Variants in AVEN observed in about 807,000 individuals in gnomAD.
AVEN encodes the protein cell death regulator Aven.
In AVEN, 41 loss-of-function variants were observed where a neutral mutation model predicts 38.1. The ratio of observed to expected loss-of-function variants is 1.08; its 90% CI spans 0.84 to 1.40. The LOEUF is 1.40. Among genes scored for constraint, AVEN ranks in the 40% most tolerant of loss-of-function variants. The probability of loss-of-function intolerance (pLI) is 0.00; values close to 1 mark genes in which losing one functional copy is unlikely to be tolerated. For missense variants in AVEN, 605 were observed against 438.8 expected, an observed-to-expected ratio of 1.38 and a Z score of -3.38; for synonymous variants, 206 against 171.8, an observed-to-expected ratio of 1.20 and a Z score of -1.56.
At chr15:33,873,595 GTATTA>G (rs1272634120) in intron 3 of AVEN, among the ~76,000 whole-genome samples, 1 of 146,592 alleles carries the variant, frequency 6.8e-6, no homozygotes, top group Non-Finnish European at 1.5e-5. Flanking sequence ...TATATAATAC[GTATTA>G]TATATTATAT....
intron 1 of AVEN, among the ~76,000 whole-genome samples, chr15:34,007,300 TA>T (rs557392998): frequency 5.2e-4 from 79 of 152,214 alleles, no homozygotes; most frequent in African/African-American, 1.9e-3. Context: ...AAAAATGAAA[TA>T]AAAAAATGAA....
intron 2 of AVEN, among the ~76,000 whole-genome samples, chr15:33,912,336 T>A (rs966567184): frequency 7.9e-5 from 12 of 152,216 alleles, no homozygotes; most frequent in African/African-American, 2.9e-4. Flanking sequence ...ATATGGAGTG[T>A]CTGCTTAATA....
At chr15:33,967,292 AG>A (rs749359418) in intron 2 of AVEN, among the ~76,000 whole-genome samples, 8 of 152,120 alleles carry the variant, frequency 5.3e-5, no homozygotes, top group Non-Finnish European at 1.0e-4. Flanking sequence ...ATTCTCACTC[AG>A]AAAAAACCTA....
intron 2 of AVEN, among the ~76,000 whole-genome samples, chr15:33,937,457 T>C (rs564036496): frequency 4.1e-5 from 6 of 148,114 alleles, no homozygotes; most frequent in Non-Finnish European, 6.0e-5. Context: ...GGCATGAACC[T>C]GGGAGGCGGA....
intron 2 of AVEN, among the ~76,000 whole-genome samples, chr15:33,879,179 T>G (rs1296485638): frequency 6.6e-6 from 1 of 151,390 alleles, no homozygotes; most frequent in African/African-American, 2.4e-5. Context: ...TAGACCGGAT[T>G]AAGAAAATGT....
intron 2 of AVEN, among the ~76,000 whole-genome samples, chr15:33,923,006 T>A (rs558969897): frequency 1.3e-5 from 2 of 152,206 alleles, no homozygotes; most frequent in African/African-American, 4.8e-5. Flanking sequence ...ATACACTTAA[T>A]GAATATCAAC....
intron 5 of AVEN, among the ~76,000 whole-genome samples, chr15:34,057,669 C>T (rs189797549): frequency 1.2e-4 from 19 of 152,262 alleles, no homozygotes; most frequent in Middle Eastern, 3.4e-3. Flanking sequence ...TTGTAGCCCA[C>T]ACCTGTAGTC....
At chr15:33,865,248 CAATTCTGGA>C (rs749664060), downstream of AVEN, 239 of 1,523,826 alleles carry the variant, frequency 1.6e-4, no homozygotes, top group Non-Finnish European at 2.1e-4. Flanking sequence ...AGAAGCGCGA[CAATTCTGGA>C]CAGTCAACTT....
chr15:34,030,230 G>C (rs1421006424), intron 1 of AVEN, among the ~76,000 whole-genome samples: 1 of 152,102 alleles, frequency 6.6e-6, no homozygotes, highest in African/African-American at 2.4e-5. Flanking sequence ...TTCCAGCCTG[G>C]GTGACAGAGT....
intron 1 of AVEN, among the ~76,000 whole-genome samples, chr15:34,038,171 A>G (rs1421287092): frequency 6.6e-6 from 1 of 152,206 alleles, no homozygotes; most frequent in Non-Finnish European, 1.5e-5. Context: ...TGATTTCTAC[A>G]CATACAGGCA....
At chr15:33,876,194 G>C (rs1478598931) in intron 2 of AVEN, among the ~76,000 whole-genome samples, 199 bp from the exon 3 acceptor site, 1 of 151,588 alleles carries the variant, frequency 6.6e-6, no homozygotes, top group African/African-American at 2.4e-5. Context: ...CATTTGATAA[G>C]ATTAAATGTA....
chr15:34,056,334 C>CTACT (rs1264460958), intron 5 of AVEN, among the ~76,000 whole-genome samples: 19 of 152,248 alleles, frequency 1.2e-4, no homozygotes, highest in African/African-American at 4.6e-4. Flanking sequence ...ATTAGAACTC[C>CTACT]TACTCCATAC....
At chr15:33,854,828 C>G, downstream of AVEN, 1 of 1,613,948 alleles carries the variant, frequency 6.2e-7, no homozygotes. Flanking sequence ...ATAACTTCTT[C>G]TTTGCTGCTC....
the AVEN span, chr15:33,853,754 A>G: frequency 6.5e-7 from 1 of 1,547,834 alleles, no homozygotes; most frequent in Non-Finnish European, 8.7e-7. Context: ...ATAGGAAAAA[A>G]TCACAACCGT....
intron 1 of AVEN, among the ~76,000 whole-genome samples, chr15:34,009,814 A>C (rs1229723356): frequency 6.6e-6 from 1 of 152,074 alleles, no homozygotes; most frequent in Admixed American, 6.6e-5. Context: ...CATAGAGAGC[A>C]TTGCTACAAA....
intron 2 of AVEN, among the ~76,000 whole-genome samples, chr15:33,952,123 G>C (rs1307665907): frequency 2.0e-5 from 3 of 152,142 alleles, no homozygotes; most frequent in Admixed American, 1.3e-4. Context: ...GTCTGGTCTA[G>C]CTTTAGAAAT....
chr15:34,040,134 A>C, upstream of AVEN, among the ~76,000 whole-genome samples: 1 of 152,170 alleles, frequency 6.6e-6, no homozygotes, highest in South Asian at 2.1e-4. Context: ...ACTCTGCATC[A>C]GGCACAGTGC....
chr15:34,031,445 G>A (rs1898816347), intron 1 of AVEN, among the ~76,000 whole-genome samples: 1 of 152,140 alleles, frequency 6.6e-6, no homozygotes, highest in South Asian at 2.1e-4. Context: ...AAAGTGCTGG[G>A]ATTACGGGCA....
chr15:33,852,946 G>C, the AVEN span: 7 of 1,049,354 alleles, frequency 6.7e-6, no homozygotes, highest in South Asian at 5.6e-5. Flanking sequence ...ACACAAACCA[G>C]AAAGATCCCA....
Sources: gnomAD v4.1 joint callset for allele counts (sites outside exome capture counted in the v4.1 genomes callset) on GRCh38, gnomAD v4.1.1 for gene constraint, MANE v1.5 for transcripts, NCBI Gene and HGNC (gene_info 2026-07-23, HGNC 2026-07-21) for gene names.